The following DDHD1 variants were observed in gnomAD, a reference collection of about 807,000 sequenced individuals.
DDHD1 encodes the protein DDHD domain containing 1, also known as phospholipase DDHD1.
A neutral mutation model predicts 96.4 loss-of-function variants in DDHD1; 49 were observed. The observed-to-expected ratio is 0.51, with a 90% CI of 0.40 to 0.64. The LOEUF is 0.64. Among genes scored for constraint, DDHD1 ranks in the 30% least tolerant of loss-of-function variants. The pLI, the probability that DDHD1 is intolerant of heterozygous loss-of-function variation, is 0.00. For missense variants in DDHD1, 1,106 were observed against 1,161.2 expected (o/e 0.95, Z 0.69); for synonymous variants, 442 against 446.5 (o/e 0.99, Z 0.13).
chr14:53,050,813 A>G (rs914813744), intron 12 of DDHD1, among the ~76,000 whole-genome samples: 7 of 152,096 alleles, frequency 4.6e-5, no homozygotes, highest in African/African-American at 1.4e-4. Flanking sequence ...TACAGGTTTA[A>G]CTACTTAGGT....
At position 53,153,007 on chromosome 14, in the gene DDHD1, C is replaced by T. The variant is rs1891576100; in HGVS notation, c.92G>A (p.Arg31Lys). 6.5e-7 allele frequency: 1 copy of T among 1,538,954 alleles called. No homozygotes were observed. The highest frequency in any genetic ancestry group is 8.7e-7 in the Non-Finnish European group (1 of 1,145,222). ...GGAWELGSDA[R>K]PAFGGGVCCF... is the part of the protein sequence containing the mutation. ...GCAGACGCCGCCGCCGAACGCTGGC[C>T]TCGCGTCTGAGCCCAGCTCCCAGGC... Residue 31 changes from arginine to lysine, a missense_variant, in exon 1 of 13, where the codon AGG (arginine) becomes AAG (lysine). Arg to Lys is a conservative substitution (Grantham distance 26). This residue lies in a region of DDHD1 where 456 missense variants were observed against 402.4 expected (regional missense o/e 1.13). Transcript: ENST00000673822.
intron 1 of DDHD1, among the ~76,000 whole-genome samples, chr14:53,135,822 T>G (rs751117483): frequency 1.3e-5 from 2 of 152,224 alleles, no homozygotes; most frequent in Non-Finnish European, 2.9e-5. Flanking sequence ...ACAAAATATA[T>G]GTAACAATGA....
intron 1 of DDHD1, among the ~76,000 whole-genome samples, chr14:53,108,139 G>A (rs1875185338): frequency 1.3e-5 from 2 of 152,110 alleles, no homozygotes; most frequent in South Asian, 4.1e-4. Context: ...CACCACTGCT[G>A]TTTGCCACCA....
rs562085697 is a variant in DDHD1, at chr14:53,141,145, C to A, written c.838+11116G>T. Among the ~76,000 whole-genome samples the A allele has an allele frequency of 2.0e-5, 3 of 152,164 alleles. No homozygotes were observed. The South Asian group carries it at 6.2e-4, about 32-fold the overall frequency. The stretch of plus-strand genomic sequence containing the variant: ...GAGACTTTATCCTTCTCCTCACTGA[C>A]AAAATAATACAGATCAATAAGATAC... On this transcript the variant is annotated intron_variant, in intron 1 of 12. Transcript: ENST00000673822.
At chr14:53,103,015 G>T in intron 2 of DDHD1, 1 of 1,561,498 alleles carries the variant, frequency 6.4e-7, no homozygotes, top group Non-Finnish European at 8.7e-7. Flanking sequence ...TAATCTACCT[G>T]TACAGTTATA....
intron 1 of DDHD1, among the ~76,000 whole-genome samples, chr14:53,118,079 C>T (rs1023383408): frequency 6.6e-6 from 1 of 152,108 alleles, no homozygotes; most frequent in East Asian, 1.9e-4. Context: ...ACCTGACTGT[C>T]AGAAGGAAAA....
intron 4 of DDHD1, among the ~76,000 whole-genome samples, chr14:53,075,612 G>A (rs1884887996): frequency 6.6e-6 from 1 of 152,172 alleles, no homozygotes; most frequent in Non-Finnish European, 1.5e-5. Context: ...AATAATCCAT[G>A]AAGGTTGCTA....
At position 53,104,655 on chromosome 14, in the gene DDHD1, C is replaced by T. The variant is rs190132420; in HGVS notation, c.839-799G>A. Among the ~76,000 whole-genome samples the T allele has an allele frequency of 5.4e-3, 816 of 152,190 alleles. 6 individuals carry two copies. Among genetic ancestry groups the T allele is most frequent in the Middle Eastern group, 0.017 (5 of 294 alleles). ...AATCAAGAAAAACTTTCTTGGCTAA[C>T]TTTTGATGAAACACTATTCCTAGAA... On this transcript the variant is annotated intron_variant, in intron 1 of 12. Coordinates refer to ENST00000673822, the MANE Select transcript of DDHD1 (RefSeq NM_001160148.2).
At chr14:53,107,903 G>A (rs1391385038) in intron 1 of DDHD1, among the ~76,000 whole-genome samples, 2 of 152,088 alleles carry the variant, frequency 1.3e-5, no homozygotes, top group Non-Finnish European at 2.9e-5. Context: ...AAGCTAATTA[G>A]GCAAAAACAG....
At chr14:53,152,110 G>A in intron 1 of DDHD1, 151 bp downstream of exon 1, 1 of 830,392 alleles carries the variant, frequency 1.2e-6, no homozygotes, top group Non-Finnish European at 1.8e-6. Flanking sequence ...TTCAGCTGCC[G>A]ACGCTCCCTG....
At position 53,043,447 on chromosome 14, in the gene DDHD1, TAC is replaced by T. The variant is rs1346474472; in HGVS notation, c.*3319_*3320del. 1.3e-5 allele frequency: 2 copies of T among 151,664 alleles called. No homozygotes were observed. Among genetic ancestry groups the T allele is most frequent in the Non-Finnish European group, 2.9e-5 (2 of 68,056 alleles). 9.4% of individuals were successfully genotyped at this position (151,664 alleles called of 1,614,324 possible). A position where few individuals can be genotyped will look rare whatever the true frequency, so the allele number is the denominator to read the frequency against. On this transcript the variant is annotated 3_prime_UTR_variant, in exon 13 of 13. Transcript: ENST00000673822. Reference sequence around the variant, plus strand: ...TAAATACATACTTTTTTTTTTTGGATACAGTGTCCAGCTCTGTCACCCAAGGT... The same window carrying T: ...TAAATACATACTTTTTTTTTTTGGATAGTGTCCAGCTCTGTCACCCAAGGT...
intron 1 of DDHD1, among the ~76,000 whole-genome samples, chr14:53,134,315 A>G (rs1008389130): frequency 1.3e-5 from 2 of 152,168 alleles, no homozygotes; most frequent in South Asian, 2.1e-4. Flanking sequence ...ACTATCCCCA[A>G]TCAGCCACTC....
At chr14:53,061,234 G>C (rs369104095) in intron 7 of DDHD1, 33 bp from the exon 8 acceptor site, 2 of 1,550,130 alleles carry the variant, frequency 1.3e-6, no homozygotes, top group Admixed American at 2.1e-5. Flanking sequence ...ATACACACAC[G>C]TATTTATAAT....
rs60704615 is a variant in DDHD1 at position 53,113,390 on chromosome 14, C to CAAA, written c.839-9537_839-9535dup. Among the ~76,000 whole-genome samples the CAAA allele has an allele frequency of 4.2e-3, 500 of 117,948 alleles. 8 individuals are homozygous for CAAA. Among genetic ancestry groups the CAAA allele is most frequent in the African/African-American group, 0.015 (392 of 25,412 alleles). 77.4% of individuals were successfully genotyped at this position (117,948 alleles called of 152,430 possible). On this transcript the variant is annotated intron_variant, in intron 1 of 12. Transcript: ENST00000673822. ...TAAAAAAAAAAACCCCTGTACAAGC[C>CAAA]AAAAAAAAAAAAAAAAAAAAAAAGT...
intron 4 of DDHD1, among the ~76,000 whole-genome samples, chr14:53,083,951 T>G (rs1359270638): frequency 1.3e-5 from 2 of 152,204 alleles, no homozygotes; most frequent in Non-Finnish European, 2.9e-5. Flanking sequence ...TCATCCTGCT[T>G]CCAATAATAG....
chr14:53,074,625 A>T (rs535120326), intron 4 of DDHD1, among the ~76,000 whole-genome samples: 152 of 152,058 alleles, frequency 1.0e-3, no homozygotes, highest in African/African-American at 3.5e-3. Flanking sequence ...TAATATTAAA[A>T]ATTTTTTTAC....
chr14:53,060,015 T>A (rs1199333851), intron 8 of DDHD1, among the ~76,000 whole-genome samples: 2 of 152,116 alleles, frequency 1.3e-5, no homozygotes, highest in African/African-American at 4.8e-5. Flanking sequence ...TATATTTTTT[T>A]TAAAAAAACA....
At chr14:53,129,796 C>T (rs980903472) in intron 1 of DDHD1, among the ~76,000 whole-genome samples, 1 of 152,208 alleles carries the variant, frequency 6.6e-6, no homozygotes, top group Non-Finnish European at 1.5e-5. Context: ...TCTTCTGCAA[C>T]ACTGCTTGGC....
intron 11 of DDHD1, 31 bp from the exon 12 acceptor site, chr14:53,051,958 G>C (rs781174296): frequency 6.5e-7 from 1 of 1,528,782 alleles, no homozygotes; most frequent in South Asian, 1.2e-5. Context: ...ATGCTGTAAA[G>C]GGTTGGCTGA....
Sources: allele counts gnomAD v4.1 joint callset (sites outside exome capture counted in the v4.1 genomes callset), GRCh38; gene constraint gnomAD v4.1.1; regional missense constraint gnomAD v4.1.1; transcripts MANE v1.5; gene names NCBI Gene and HGNC (gene_info 2026-07-23, HGNC 2026-07-21).